The following VWA8 variants were observed in gnomAD, a reference collection of about 807,000 sequenced individuals.
VWA8 encodes von Willebrand factor A domain-containing protein 8.
In VWA8, 221 loss-of-function variants were observed where a neutral mutation model predicts 241.5. The observed-to-expected ratio is 0.91, with a 90% CI of 0.82 to 1.02. VWA8 has a LOEUF of 1.02. VWA8 is among the 50% of genes least tolerant of loss of function. The probability of loss-of-function intolerance (pLI) is 0.00; values close to 1 mark genes in which losing one functional copy is unlikely to be tolerated. For missense variants in VWA8, 2,322 were observed against 2,328.7 expected, an observed-to-expected ratio of 1.00 and a Z score of 0.06; for synonymous variants, 852 against 827.1, an observed-to-expected ratio of 1.03 and a Z score of -0.52.
At chr13:41,871,182 T>C (rs1025699881) in intron 9 of VWA8, among the ~76,000 whole-genome samples, 1 of 152,230 alleles carries the variant, frequency 6.6e-6, no homozygotes, top group East Asian at 1.9e-4. Flanking sequence ...AGACATATAA[T>C]TATTTCAGGT....
chr13:41,883,271 A>G, intron 9 of VWA8, 116 bp downstream of exon 9: 1 of 728,722 alleles, frequency 1.4e-6, no homozygotes, highest in Admixed American at 2.6e-5. Flanking sequence ...AAGGAAAGAA[A>G]TAAGGATGGG....
chr13:41,935,763 G>A (rs965213367), intron 2 of VWA8, among the ~76,000 whole-genome samples: 1 of 143,480 alleles, frequency 7.0e-6, no homozygotes, highest in Non-Finnish European at 1.5e-5. Context: ...ATTGTTCGAG[G>A]TTTTTTTTTT....
At chr13:41,806,458 C>T (rs1388492071) in intron 17 of VWA8, among the ~76,000 whole-genome samples, 2 of 152,136 alleles carry the variant, frequency 1.3e-5, no homozygotes, top group East Asian at 1.9e-4. Context: ...AATCCCAGCA[C>T]TTTGGGAGGC....
intron 36 of VWA8, among the ~76,000 whole-genome samples, chr13:41,672,084 A>C (rs1490729990): frequency 1.3e-5 from 2 of 152,122 alleles, no homozygotes; most frequent in Non-Finnish European, 2.9e-5. Context: ...ACCAGTTCAT[A>C]CCTCACACGC....
chr13:41,574,906 G>T (rs557514805), intron 43 of VWA8, among the ~76,000 whole-genome samples: 1 of 152,092 alleles, frequency 6.6e-6, no homozygotes, highest in African/African-American at 2.4e-5. Context: ...CCCATTAATA[G>T]GTATCTACCC....
In VWA8 at chr13:41,882,289, G is replaced by A. The variant is rs949145622; in HGVS notation, c.1080+1098C>T. Among the ~76,000 whole-genome samples the A allele has an allele frequency of 2.2e-4, 33 of 150,664 alleles. 1 individual carries two copies. In the Middle Eastern group the frequency reaches 0.017, roughly 79 times the overall value. ...CTCGTCACTTCCTAGATGGGATGGC[G>A]GCCGGGCAGAGACGCTCCTCACTTT... On this transcript the variant is annotated intron_variant, in intron 9 of 44. Transcript: ENST00000379310.
intron 42 of VWA8, among the ~76,000 whole-genome samples, chr13:41,585,733 G>A (rs1316751369): frequency 6.6e-6 from 1 of 151,606 alleles, no homozygotes. Flanking sequence ...GCGTGGTGGC[G>A]GGCACCTGTA....
intron 4 of VWA8, among the ~76,000 whole-genome samples, chr13:41,896,826 T>C (rs527624446): frequency 6.6e-6 from 1 of 152,242 alleles, no homozygotes; most frequent in Middle Eastern, 3.4e-3. Flanking sequence ...AATGATAAGC[T>C]TATGGAGAGT....
At chr13:41,585,115 C>T (rs2044408621) in intron 42 of VWA8, among the ~76,000 whole-genome samples, 1 of 151,894 alleles carries the variant, frequency 6.6e-6, no homozygotes, top group Admixed American at 6.6e-5. Flanking sequence ...TTGTGAAATG[C>T]TCATTTCCTT....
chr13:41,611,265 G>A (rs1304132879), intron 39 of VWA8, among the ~76,000 whole-genome samples: 1 of 152,130 alleles, frequency 6.6e-6, no homozygotes. Flanking sequence ...GCACTAATCT[G>A]CAAGATTTCT....
chr13:41,783,862 C>T lies in VWA8; in HGVS notation c.2210G>A (p.Ser737Asn). 1 of 1,613,676 alleles carries T rather than the reference C, an allele frequency of 6.2e-7. No homozygotes were observed. The highest frequency in any genetic ancestry group is 1.3e-5 in the African/African-American group (1 of 75,000). The change falls in exon 19 of 45, where the codon AGT becomes AAT. Residue 737 changes from serine to asparagine, a missense_variant. Coordinates refer to ENST00000379310, the MANE Select transcript of VWA8 (RefSeq NM_015058.2). Reference protein sequence around the residue: ...TSGTLRIGAVSAPIYNAHEKM... With the variant: ...TSGTLRIGAVNAPIYNAHEKM... ...CTCATGTGCATTATAGATCGGTGCA[C>T]TAACAGCACCAATCCTCAGAGTTCC... is the stretch of plus-strand genomic sequence containing the variant.
intron 9 of VWA8, among the ~76,000 whole-genome samples, chr13:41,870,769 C>A (rs1249280421): frequency 1.3e-5 from 2 of 152,100 alleles, no homozygotes; most frequent in African/African-American, 4.8e-5. Flanking sequence ...GGAGTGACGT[C>A]AGAGGACACA....
At chr13:41,571,937 G>A (rs1012637667) in intron 43 of VWA8, among the ~76,000 whole-genome samples, 1 of 152,152 alleles carries the variant, frequency 6.6e-6, no homozygotes, top group African/African-American at 2.4e-5. Flanking sequence ...CGTCTGAGAT[G>A]TGAGGAGCCC....
intron 26 of VWA8, among the ~76,000 whole-genome samples, chr13:41,716,443 A>G (rs1484428946): frequency 1.3e-5 from 2 of 152,098 alleles, no homozygotes; most frequent in African/African-American, 4.8e-5. Flanking sequence ...GAACACAAAA[A>G]TAACATCACC....
rs1874112087 is a variant in VWA8, at chr13:41,880,371, TA to T, written c.1080+3015del. On this transcript the variant is annotated intron_variant, in intron 9 of 44. Coordinates refer to ENST00000379310, the MANE Select transcript of VWA8 (RefSeq NM_015058.2). ...TGCAGATATGATGCCCCTATACCCC[TA>T]AACACTCCAGTTGGTATTTCCTGAA... is the stretch of plus-strand genomic sequence containing the variant. Among the ~76,000 whole-genome samples the T allele has an allele frequency of 2.0e-5, 3 of 152,238 alleles. No individual in the cohort carries two copies. In the South Asian group the frequency reaches 6.2e-4, roughly 32 times the overall value.
At chr13:41,788,272 G>A (rs1018126273) in intron 17 of VWA8, among the ~76,000 whole-genome samples, 3 of 152,104 alleles carry the variant, frequency 2.0e-5, no homozygotes, top group African/African-American at 7.2e-5. Context: ...GTGATATAAC[G>A]TTCCAAATAA....
intron 17 of VWA8, among the ~76,000 whole-genome samples, chr13:41,794,235 T>G (rs1166409615): frequency 6.6e-6 from 1 of 152,190 alleles, no homozygotes; most frequent in Non-Finnish European, 1.5e-5. Context: ...GGAAGTATGG[T>G]CATTTTCATA....
At chr13:41,936,684 C>T (rs1050129346) in intron 2 of VWA8, among the ~76,000 whole-genome samples, 1 of 152,020 alleles carries the variant, frequency 6.6e-6, no homozygotes, top group African/African-American at 2.4e-5. Context: ...ATCTATTGTA[C>T]AATATAGTGA....
chr13:41,658,753 A>T (rs2044927530), intron 37 of VWA8, among the ~76,000 whole-genome samples: 1 of 152,140 alleles, frequency 6.6e-6, no homozygotes, highest in African/African-American at 2.4e-5. Flanking sequence ...AAACACAGCC[A>T]ATGCTTTTAG....
Sources: gnomAD v4.1 joint callset for allele counts (sites outside exome capture counted in the v4.1 genomes callset) on GRCh38, gnomAD v4.1.1 for gene constraint, MANE v1.5 for transcripts, NCBI Gene and HGNC (gene_info 2026-07-23, HGNC 2026-07-21) for gene names.